Variants in SMAD1 observed in about 807,000 individuals in gnomAD.
SMAD1 encodes SMAD family member 1.
A neutral mutation model predicts 41.6 loss-of-function variants in SMAD1; 6 were observed. The ratio of observed to expected loss-of-function variants is 0.14; its 90% CI spans 0.08 to 0.28. The LOEUF is 0.28. Among genes scored for constraint, SMAD1 ranks in the 10% least tolerant of loss-of-function variants. SMAD1 has a pLI of 1.00. For synonymous variants in SMAD1, 206 were observed against 203.2 expected, an observed-to-expected ratio of 1.01 and a Z score of -0.12; for missense variants, 379 against 582.6, an observed-to-expected ratio of 0.65 and a Z score of 3.60.
chr4:145,529,224 T>A (rs1231660898), intron 2 of SMAD1, among the ~76,000 whole-genome samples: 1 of 152,048 alleles, frequency 6.6e-6, no homozygotes, highest in Non-Finnish European at 1.5e-5. Flanking sequence ...TTGAAGGTAT[T>A]TTTTTTTCTC....
At chr4:145,507,723 A>C (rs1455545482) in intron 1 of SMAD1, among the ~76,000 whole-genome samples, 1 of 151,990 alleles carries the variant, frequency 6.6e-6, no homozygotes, top group Non-Finnish European at 1.5e-5. Flanking sequence ...AGAGGGAAGG[A>C]AATCTCTGTT....
At position 145,557,794 on chromosome 4, in the gene SMAD1, TG is replaced by T; in HGVS notation, c.1262del (p.Gly421GlufsTer63). The stretch of plus-strand genomic sequence containing the variant: ...ACCTCCAGTATGTTTTTCCTAGGGC[TG>T]GGGAGCAGAATACCACCGCCAGGAT... ...CTIRMSFVKG[W>X]GAEYHRQDVT... On this transcript the variant is annotated frameshift_variant, in exon 7 of 7. Transcript: ENST00000302085. LOFTEE classifies it high-confidence loss of function. 1 of 1,606,408 alleles carries T rather than the reference TG, an allele frequency of 6.2e-7. No individual in the cohort carries two copies. Among genetic ancestry groups the T allele is most frequent in the Admixed American group, 1.7e-5 (1 of 59,630 alleles).
chr4:145,487,978 AAT>A (rs1393994059), intron 1 of SMAD1, among the ~76,000 whole-genome samples: 15 of 152,208 alleles, frequency 9.9e-5, no homozygotes, highest in Non-Finnish European at 1.8e-4. Flanking sequence ...GCATCTTTAT[AAT>A]TTTTGTTATA....
At chr4:145,538,479 A>G (rs1731736290) in intron 2 of SMAD1, among the ~76,000 whole-genome samples, 1 of 152,174 alleles carries the variant, frequency 6.6e-6, no homozygotes, top group African/African-American at 2.4e-5. Context: ...CACATGAGAA[A>G]TTTTAATACT....
At chr4:145,530,285 G>A (rs956806633) in intron 2 of SMAD1, among the ~76,000 whole-genome samples, 36 of 152,192 alleles carry the variant, frequency 2.4e-4, no homozygotes, top group Non-Finnish European at 2.9e-5. Flanking sequence ...TGGGAGTGCT[G>A]TTAGAACTGA....
At chr4:145,548,302 C>T (rs1732366158) in intron 5 of SMAD1, among the ~76,000 whole-genome samples, 1 of 151,958 alleles carries the variant, frequency 6.6e-6, no homozygotes, top group South Asian at 2.1e-4. Flanking sequence ...AATCTTGGCT[C>T]ACTGCAACCT....
chr4:145,552,516 G>T (rs1732606608), intron 5 of SMAD1, among the ~76,000 whole-genome samples: 1 of 152,098 alleles, frequency 6.6e-6, no homozygotes, highest in South Asian at 2.1e-4. Flanking sequence ...GGCAGGGTAG[G>T]CCCAATTTCC....
chr4:145,495,054 G>A (rs768129601), intron 1 of SMAD1, among the ~76,000 whole-genome samples: 2 of 152,164 alleles, frequency 1.3e-5, no homozygotes, highest in Non-Finnish European at 2.9e-5. Flanking sequence ...AAAAGGAGAG[G>A]AAAAGTGGCA....
At chr4:145,541,823 CT>C (rs1731958418) in intron 3 of SMAD1, among the ~76,000 whole-genome samples, 1 of 152,154 alleles carries the variant, frequency 6.6e-6, no homozygotes, top group Admixed American at 6.6e-5. Context: ...GAGGAGCTTG[CT>C]TTTGGATGGA....
At chr4:145,486,467 T>TA (rs909502541) in intron 1 of SMAD1, among the ~76,000 whole-genome samples, 5 of 152,170 alleles carry the variant, frequency 3.3e-5, no homozygotes, top group African/African-American at 9.7e-5. Flanking sequence ...TGGGGATTTT[T>TA]AAAAAAACAT....
chr4:145,531,963 A>G (rs1731341707), intron 2 of SMAD1, among the ~76,000 whole-genome samples: 2 of 152,258 alleles, frequency 1.3e-5, no homozygotes, highest in South Asian at 2.1e-4. Flanking sequence ...ACTTTGTCTC[A>G]TTACTAGACT....
chr4:145,501,721 C>G (rs1212236034), intron 1 of SMAD1, among the ~76,000 whole-genome samples: 1 of 145,378 alleles, frequency 6.9e-6, no homozygotes, highest in Non-Finnish European at 1.5e-5. Context: ...TTTGGATTAC[C>G]TTTTTTTTTT....
At chr4:145,491,435 AAGG>A (rs1301398589) in intron 1 of SMAD1, among the ~76,000 whole-genome samples, 1 of 152,184 alleles carries the variant, frequency 6.6e-6, no homozygotes, top group Non-Finnish European at 1.5e-5. Flanking sequence ...TCTCAAGAAA[AAGG>A]AAAAAAGAAG....
At chr4:145,502,192 C>T (rs185426878) in intron 1 of SMAD1, among the ~76,000 whole-genome samples, 1 of 152,216 alleles carries the variant, frequency 6.6e-6, no homozygotes, top group Non-Finnish European at 1.5e-5. Flanking sequence ...CATTTGTAGG[C>T]CAGGAGTCTT....
intron 1 of SMAD1, among the ~76,000 whole-genome samples, chr4:145,501,921 A>G (rs1166602462): frequency 6.6e-6 from 1 of 152,226 alleles, no homozygotes; most frequent in Admixed American, 6.5e-5. Context: ...TTGTAAAAAC[A>G]ACCAGTATAA....
At chr4:145,487,351 TA>T (rs1299232373) in intron 1 of SMAD1, among the ~76,000 whole-genome samples, 1 of 152,092 alleles carries the variant, frequency 6.6e-6, no homozygotes, top group Non-Finnish European at 1.5e-5. Flanking sequence ...AATTTAAATA[TA>T]AAAAAGTGGA....
At chr4:145,551,606 T>C (rs1732560129) in intron 5 of SMAD1, among the ~76,000 whole-genome samples, 1 of 151,980 alleles carries the variant, frequency 6.6e-6, no homozygotes, top group African/African-American at 2.4e-5. Flanking sequence ...GTGAGATAAA[T>C]AGGTAAGAAA....
Position 145,542,565 on chromosome 4 carries a change from C to G in SMAD1, c.659-17C>G, listed in dbSNP as rs1031288465. The stretch of plus-strand genomic sequence containing the variant: ...TTTACTAAGGGTTAAGAAATAACTT[C>G]TTTAAAAACTTTGTAGCTGATACGC... On this transcript the variant is annotated splice_polypyrimidine_tract_variant and intron_variant, in intron 3 of 6. Coordinates refer to ENST00000302085, the MANE Select transcript of SMAD1 (RefSeq NM_005900.3). The G allele has an allele frequency of 1.3e-6, 2 of 1,519,046 alleles. No individual in the cohort carries two copies. Among genetic ancestry groups the G allele is most frequent in the African/African-American group, 1.4e-5 (1 of 72,282 alleles). The allele number at this position is 1,519,046 out of a possible 1,614,324, so 94.1% of individuals were successfully genotyped here. A position where few individuals can be genotyped will look rare whatever the true frequency, so the allele number is the denominator to read the frequency against.
intron 5 of SMAD1, among the ~76,000 whole-genome samples, chr4:145,552,968 A>C (rs1298383123): frequency 6.6e-6 from 1 of 152,010 alleles, no homozygotes; most frequent in African/African-American, 2.4e-5. Context: ...GCAGTGGCTC[A>C]ATCACAGCTC....
Sources: allele counts gnomAD v4.1 joint callset (sites outside exome capture counted in the v4.1 genomes callset), GRCh38; gene constraint gnomAD v4.1.1; transcripts MANE v1.5; gene names NCBI Gene and HGNC (gene_info 2026-07-23, HGNC 2026-07-21).